Variants in HECTD4 observed in about 807,000 individuals in gnomAD.
The protein encoded by HECTD4 is probable E3 ubiquitin-protein ligase HECTD4.
In HECTD4, 114 loss-of-function variants were observed where a neutral mutation model predicts 471.5. The ratio of observed to expected loss-of-function variants is 0.24; its 90% CI spans 0.21 to 0.28. HECTD4 has a LOEUF of 0.28. Ranked by LOEUF, HECTD4 falls within the 10% of genes least tolerant of loss-of-function variation. HECTD4 has a pLI of 1.00. For missense variants in HECTD4, 3,866 were observed against 5,651.5 expected, an observed-to-expected ratio of 0.68 and a Z score of 10.13; for synonymous variants, 2,012 against 2,256.0, an observed-to-expected ratio of 0.89 and a Z score of 3.07.
At chr12:112,365,200 A>G (rs2036534434) in intron 1 of HECTD4, among the ~76,000 whole-genome samples, 2 of 152,326 alleles carry the variant, frequency 1.3e-5, no homozygotes, top group South Asian at 4.1e-4. Flanking sequence ...TAATTTAAAT[A>G]TATTTTACTT....
Position 112,162,166 on chromosome 12 carries a change from A to G in HECTD4, c.*221T>C. ...GTCTGGGAACTAAACTATCCTACAA[A>G]TAGACCACAAACAGGCAGCAAAAGA... On this transcript the variant is annotated 3_prime_UTR_variant, in exon 76 of 76. Transcript: ENST00000682272. This position sits in a 1 kb window ranked among gnomAD's most constrained non-coding sequence, Gnocchi z 5.2. The G allele has an allele frequency of 1.8e-6, 1 of 547,278 alleles. No individual in the cohort carries two copies. The highest frequency in any genetic ancestry group is 3.3e-6 in the Non-Finnish European group (1 of 307,538). 33.9% of individuals were successfully genotyped at this position (547,278 alleles called of 1,614,324 possible).
chr12:112,313,924 C>A (rs1818116974), intron 3 of HECTD4, among the ~76,000 whole-genome samples: 1 of 152,008 alleles, frequency 6.6e-6, no homozygotes, highest in Non-Finnish European at 1.5e-5. Context: ...GCATATGTAC[C>A]AAAATGTTAG....
intron 7 of HECTD4, among the ~76,000 whole-genome samples, chr12:112,293,179 A>G (rs974933738): frequency 6.6e-6 from 1 of 151,844 alleles, no homozygotes; most frequent in African/African-American, 2.4e-5. Context: ...CAGCCTGACC[A>G]ACATGGTGAA....
intron 2 of HECTD4, among the ~76,000 whole-genome samples, chr12:112,316,509 A>C (rs893619908): frequency 1.3e-5 from 2 of 152,170 alleles, no homozygotes; most frequent in African/African-American, 4.8e-5. Flanking sequence ...TATCCCTACC[A>C]CCAAGAGAAT....
intron 1 of HECTD4, among the ~76,000 whole-genome samples, chr12:112,332,418 T>A (rs1011965136): frequency 6.6e-6 from 1 of 151,624 alleles, no homozygotes; most frequent in South Asian, 2.1e-4. Context: ...GAGCCTGTAA[T>A]CCCAGCTACT....
rs1054084723 is a variant in HECTD4, at chr12:112,166,923, C to T, written c.12534+394G>A. 5 of 169,718 alleles carry T rather than the reference C, an allele frequency of 2.9e-5. No individual in the cohort carries two copies. The highest frequency in any genetic ancestry group is 6.2e-5 in the Non-Finnish European group (5 of 80,308). 10.5% of individuals were successfully genotyped at this position (169,718 alleles called of 1,614,324 possible). ...GGAAGGGCTCCATCCTGATGCCTCC[C>T]CCTTGGTGGACCTCAGGTGGTCCCA... is the stretch of plus-strand genomic sequence containing the variant. On this transcript the variant is annotated intron_variant, in intron 72 of 75. Coordinates refer to ENST00000682272, the MANE Select transcript of HECTD4 (RefSeq NM_001388303.1). The surrounding 1 kb of genome is among the most constrained non-coding windows in gnomAD (Gnocchi z 4.6).
At chr12:112,164,875 G>C (rs967414483) in intron 72 of HECTD4, among the ~76,000 whole-genome samples, 13 of 150,656 alleles carry the variant, frequency 8.6e-5, no homozygotes, top group Non-Finnish European at 1.8e-4. Flanking sequence ...ACCTGCCTCA[G>C]CCTTCCAAAG....
At chr12:112,172,326 CA>C (rs1242868667) in intron 67 of HECTD4, among the ~76,000 whole-genome samples, 1 of 152,262 alleles carries the variant, frequency 6.6e-6, no homozygotes, top group African/African-American at 2.4e-5. Context: ...TGCAAGTTAT[CA>C]GACTATAAAT....
Position 112,162,381 on chromosome 12 carries a change from C to G in HECTD4, c.*6G>C. 1 of 1,613,966 alleles carries G rather than the reference C, an allele frequency of 6.2e-7. No homozygotes were observed. The highest frequency in any genetic ancestry group is 8.5e-7 in the Non-Finnish European group (1 of 1,179,880). On this transcript the variant is annotated 3_prime_UTR_variant, in exon 76 of 76. Coordinates refer to ENST00000682272, the MANE Select transcript of HECTD4 (RefSeq NM_001388303.1). The surrounding 1 kb of genome is among the most constrained non-coding windows in gnomAD (Gnocchi z 5.2). ...AGTGACAGCCTAATTCTGGGGCTCC[C>G]TCCCATCAGCCACTGAGGGGGTCTT...
Position 112,243,442 on chromosome 12 carries a change from G to A in HECTD4, c.4869C>T (p.His1623=). Residue 1623 remains histidine (H), a synonymous_variant, in exon 32 of 76, where the codon CAC becomes CAT. Transcript: ENST00000682272. The surrounding 1 kb of genome is among the most constrained non-coding windows in gnomAD (Gnocchi z 6.6). ...CGGCAGCTGTCAGCAATTCCCGCAT[G>A]TGCACCAGTGCCTGCTTGCGAGTGT... ...RGNTRKQALV[H]MRELLTAAVR... is the part of the protein sequence containing the mutation. 1 of 1,610,958 alleles carries A rather than the reference G, an allele frequency of 6.2e-7. No individual in the cohort carries two copies.
intron 64 of HECTD4, among the ~76,000 whole-genome samples, chr12:112,177,571 G>A (rs2137017131): frequency 6.6e-6 from 1 of 152,168 alleles, no homozygotes; most frequent in East Asian, 1.9e-4. Context: ...TGGTAGAGAC[G>A]AGGTTTCACC....
chr12:112,332,713 G>A (rs1302589233), intron 1 of HECTD4, among the ~76,000 whole-genome samples: 1 of 150,736 alleles, frequency 6.6e-6, no homozygotes, highest in African/African-American at 2.4e-5. Context: ...CATAATTCAC[G>A]TACCATAAAA....
intron 1 of HECTD4, among the ~76,000 whole-genome samples, chr12:112,375,295 C>G (rs1470492964): frequency 6.6e-6 from 1 of 152,196 alleles, no homozygotes; most frequent in Non-Finnish European, 1.5e-5. Flanking sequence ...CATTCACCTG[C>G]TGACGGACAT....
intron 2 of HECTD4, among the ~76,000 whole-genome samples, chr12:112,317,736 T>C (rs2035506833): frequency 6.6e-6 from 1 of 152,066 alleles, no homozygotes; most frequent in African/African-American, 2.4e-5. Context: ...CCCAGCACTC[T>C]GGGAGGCCAA....
chr12:112,343,727 C>T (rs997363718), intron 1 of HECTD4, among the ~76,000 whole-genome samples: 26 of 151,754 alleles, frequency 1.7e-4, no homozygotes, highest in African/African-American at 4.4e-4. Flanking sequence ...GCTATGATCA[C>T]GCCACTATAC....
intron 7 of HECTD4, among the ~76,000 whole-genome samples, chr12:112,292,610 A>G (rs1265170235): frequency 6.6e-6 from 1 of 152,228 alleles, no homozygotes; most frequent in Non-Finnish European, 1.5e-5. Context: ...ATAGCTATCT[A>G]AACTTGAGGC....
chr12:112,239,756 GT>G lies in HECTD4; in HGVS notation c.5105+124del. 1 of 851,088 alleles carries G rather than the reference GT, an allele frequency of 1.2e-6. No individual in the cohort carries two copies. Among genetic ancestry groups the G allele is most frequent in the Non-Finnish European group, 1.7e-6 (1 of 587,486 alleles). The allele number at this position is 851,088 out of a possible 1,614,324, so 52.7% of individuals were successfully genotyped here. On this transcript the variant is annotated intron_variant, in intron 33 of 75. Coordinates refer to ENST00000682272, the MANE Select transcript of HECTD4 (RefSeq NM_001388303.1). The surrounding 1 kb of genome is among the most constrained non-coding windows in gnomAD (Gnocchi z 4.9). The stretch of plus-strand genomic sequence containing the variant: ...ACCTTAAGTGTCTTTCAGGAGAAAA[GT>G]TTTGTATAGCTAGCTCTGGATAATG...
intron 1 of HECTD4, among the ~76,000 whole-genome samples, chr12:112,325,801 T>A (rs1406961967): frequency 6.6e-6 from 1 of 151,412 alleles, no homozygotes; most frequent in African/African-American, 2.4e-5. Flanking sequence ...ATAACATATG[T>A]GTTTTGTTGC....
intron 1 of HECTD4, among the ~76,000 whole-genome samples, chr12:112,321,447 G>T (rs1330861835): frequency 6.6e-6 from 1 of 152,174 alleles, no homozygotes; most frequent in African/African-American, 2.4e-5. Context: ...CACTCTAGGA[G>T]CAAGCACACT....
Sources: allele counts gnomAD v4.1 joint callset (sites outside exome capture counted in the v4.1 genomes callset), GRCh38; gene constraint gnomAD v4.1.1; non-coding constraint Gnocchi (gnomAD v3.1); transcripts MANE v1.5; gene names NCBI Gene and HGNC (gene_info 2026-07-23, HGNC 2026-07-21).